PCDHA5: variants seen among roughly 807,000 people sequenced by gnomAD.
PCDHA5 encodes the protein protocadherin alpha-5.
In PCDHA5, 43 loss-of-function variants were observed where a neutral mutation model predicts 61.6. The ratio of observed to expected loss-of-function variants is 0.70; its 90% CI spans 0.55 to 0.90. The LOEUF is 0.90. Among genes scored for constraint, PCDHA5 ranks in the 40% least tolerant of loss-of-function variants. The probability of loss-of-function intolerance (pLI) is 0.00; values close to 1 mark genes in which losing one functional copy is unlikely to be tolerated. For synonymous variants in PCDHA5, 627 were observed against 543.9 expected, an observed-to-expected ratio of 1.15 and a Z score of -2.13; for missense variants, 1,298 against 1,222.7, an observed-to-expected ratio of 1.06 and a Z score of -0.92.
At chr5:140,856,589 A>G in intron 1 of PCDHA5, 1 of 1,597,786 alleles carries the variant, frequency 6.3e-7, no homozygotes, top group Non-Finnish European at 8.6e-7. Flanking sequence ...TGTTCTTGAT[A>G]TTATAAACAA....
In PCDHA5 at chr5:141,011,249, G is replaced by A. The variant is rs1159894108; in HGVS notation, c.*1312G>A. The A allele has an allele frequency of 6.5e-6, 1 of 153,682 alleles. No homozygotes were observed. The highest frequency in any genetic ancestry group is 1.5e-5 in the Non-Finnish European group (1 of 68,038). The allele number at this position is 153,682 out of a possible 1,614,324, so 9.5% of individuals were successfully genotyped here. On this transcript the variant is annotated 3_prime_UTR_variant, in exon 4 of 4. Coordinates refer to ENST00000529859, the MANE Select transcript of PCDHA5 (RefSeq NM_018908.3). ...TACTAATTCTGTGACTTGTCTTGGT[G>A]TGCTAGCCTACACCTTCTCTTTGGT... is the stretch of plus-strand genomic sequence containing the variant.
chr5:140,914,928 T>C lies in PCDHA5; in HGVS notation c.2353-64021T>C, dbSNP rs75399267. On this transcript the variant is annotated intron_variant, in intron 1 of 3. Coordinates refer to ENST00000529859, the MANE Select transcript of PCDHA5 (RefSeq NM_018908.3). ...TGTTTCTCTGTGTCTTATTGTACTA[T>C]GTTGTGAAAAGTTGTCTTTTTTTTT... Among the ~76,000 whole-genome samples the C allele has an allele frequency of 4.6e-3, 691 of 150,904 alleles. 3 individuals carry two copies. The highest frequency in any genetic ancestry group is 0.016 in the African/African-American group (668 of 41,182).
intron 1 of PCDHA5, chr5:140,883,371 T>C (rs2059578130): frequency 1.2e-6 from 2 of 1,614,152 alleles, no homozygotes; most frequent in East Asian, 4.5e-5. Flanking sequence ...CCTAGCGCCA[T>C]TATTGCCCTA....
intron 1 of PCDHA5, chr5:140,849,490 G>A: frequency 6.3e-7 from 1 of 1,592,564 alleles, no homozygotes; most frequent in African/African-American, 1.4e-5. Context: ...CCCCTGGCTG[G>A]TCATTGTACA....
intron 1 of PCDHA5, chr5:140,967,282 G>A (rs1463734502): frequency 1.1e-5 from 17 of 1,612,960 alleles, no homozygotes; most frequent in Non-Finnish European, 1.4e-5. Context: ...TAGAGAGTGC[G>A]CAGGACCCCG....
chr5:140,892,901 C>G (rs994625869), intron 1 of PCDHA5, among the ~76,000 whole-genome samples: 1 of 152,196 alleles, frequency 6.6e-6, no homozygotes, highest in African/African-American at 2.4e-5. Flanking sequence ...CTTTCCCCAT[C>G]CTCCTTTTCC....
chr5:140,954,652 T>C (rs541171307), intron 1 of PCDHA5, among the ~76,000 whole-genome samples: 24 of 152,356 alleles, frequency 1.6e-4, no homozygotes, highest in African/African-American at 5.8e-4. Flanking sequence ...TTTAAGTTCC[T>C]TGTAGACTCT....
At chr5:140,915,232 C>T (rs1554196813) in intron 1 of PCDHA5, among the ~76,000 whole-genome samples, 1 of 152,156 alleles carries the variant, frequency 6.6e-6, no homozygotes, top group Non-Finnish European at 1.5e-5. Flanking sequence ...CAGGCATGAG[C>T]CACCATGCCT....
intron 1 of PCDHA5, among the ~76,000 whole-genome samples, chr5:140,912,042 A>G (rs782622902): frequency 6.6e-6 from 1 of 152,216 alleles, no homozygotes; most frequent in African/African-American, 2.4e-5. Flanking sequence ...CCAAGTCCCA[A>G]AGCTGAAGAA....
In PCDHA5 at chr5:141,010,151, C is replaced by T. The variant is rs1554262715; in HGVS notation, c.*214C>T. 1 of 1,578,076 alleles carries T rather than the reference C, an allele frequency of 6.3e-7. No homozygotes were observed. Among genetic ancestry groups the T allele is most frequent in the South Asian group, 1.1e-5 (1 of 87,432 alleles). On this transcript the variant is annotated 3_prime_UTR_variant, in exon 4 of 4. Transcript: ENST00000529859. The stretch of plus-strand genomic sequence containing the variant: ...CTGGTGTTAACTCTTTCTCTCCACT[C>T]TGGCTTGTTTTCAGAACCTAAAAAG...
intron 1 of PCDHA5, among the ~76,000 whole-genome samples, chr5:140,908,655 G>C (rs1419890192): frequency 6.6e-6 from 1 of 152,176 alleles, no homozygotes; most frequent in East Asian, 1.9e-4. Context: ...ATGGGGGCCT[G>C]CCAAAGGCTC....
chr5:140,934,235 A>G (rs1202721010), intron 1 of PCDHA5, among the ~76,000 whole-genome samples: 1 of 152,048 alleles, frequency 6.6e-6, no homozygotes, highest in Non-Finnish European at 1.5e-5. Flanking sequence ...TTTGTACTTA[A>G]TTGTGGAGAT....
At chr5:140,889,835 C>A (rs899287696) in intron 1 of PCDHA5, among the ~76,000 whole-genome samples, 10 of 152,080 alleles carry the variant, frequency 6.6e-5, no homozygotes, top group African/African-American at 2.2e-4. Context: ...TTACAGTATG[C>A]TTTGGTCTCT....
intron 1 of PCDHA5, chr5:140,866,298 G>A (rs2049270991): frequency 6.6e-6 from 1 of 152,134 alleles, no homozygotes; most frequent in African/African-American, 2.4e-5. Flanking sequence ...AAGTATAGAT[G>A]TTGATATTAT....
chr5:140,821,911 C>T lies in PCDHA5; in HGVS notation c.136C>T (p.Arg46Cys), dbSNP rs2150111872. ...EEAKHGTFVG[R>C]IAQDLGLELA... ...AGCCAAACACGGAACCTTCGTTGGC[C>T]GCATCGCGCAGGACCTAGGGCTGGA... The change falls in exon 1 of 4, where the codon CGC becomes TGC. Residue 46 changes from arginine to cysteine, a missense_variant. Physicochemically the swap from Arg to Cys is radical, Grantham distance 180. Transcript: ENST00000529859. 1.1e-5 allele frequency: 18 copies of T among 1,614,234 alleles called. No individual in the cohort carries two copies. In the East Asian group the frequency reaches 3.3e-4, roughly 30 times the overall value.
At chr5:140,843,133 C>A (rs2150353566) in intron 1 of PCDHA5, 4 of 1,595,862 alleles carry the variant, frequency 2.5e-6, no homozygotes, top group African/African-American at 2.7e-5. Context: ...CGGGCTACAA[C>A]GCGTGGCTTT....
intron 1 of PCDHA5, chr5:140,836,659 G>A: frequency 6.2e-7 from 1 of 1,613,452 alleles, no homozygotes; most frequent in South Asian, 1.1e-5. Flanking sequence ...CAGAGGGTGT[G>A]CTCTGGGGAG....
At chr5:140,868,882 T>G in intron 1 of PCDHA5, 1 of 715,192 alleles carries the variant, frequency 1.4e-6, no homozygotes, top group Non-Finnish European at 2.2e-6. Context: ...GTACTCACAG[T>G]TTTAGGCGCA....
Position 140,824,001 on chromosome 5 carries a change from C to A in PCDHA5, c.2226C>A (p.Ser742Arg), listed in dbSNP as rs1210626259. 3.7e-6 allele frequency: 6 copies of A among 1,613,960 alleles called. No individual in the cohort carries two copies. The highest frequency in any genetic ancestry group is 2.7e-5 in the African/African-American group (2 of 74,908). Residue 742 changes from serine to arginine, a missense_variant, in exon 1 of 4, where the codon AGC becomes AGA. Physicochemically the swap from Ser to Arg is moderately radical, Grantham distance 110 (BLOSUM62 -1). Coordinates refer to ENST00000529859, the MANE Select transcript of PCDHA5 (RefSeq NM_018908.3). The part of the protein sequence containing the change: ...TRGKPTLLCS[S>R]AVGSWSYSQQ... ...GCAAGCCCACTCTGTTGTGCTCCAG[C>A]GCGGTGGGGAGCTGGTCGTACTCGC...
Sources: allele counts gnomAD v4.1 joint callset (sites outside exome capture counted in the v4.1 genomes callset), GRCh38; gene constraint gnomAD v4.1.1; transcripts MANE v1.5; gene names NCBI Gene and HGNC (gene_info 2026-07-23, HGNC 2026-07-21).